Variants in RGS12 observed in about 807,000 individuals in gnomAD.
RGS12 encodes the protein regulator of G-protein signaling 12.
RGS12 carries 66 observed loss-of-function variants against 120.1 expected under a neutral mutation model. That is an observed-to-expected ratio of 0.55 (90% confidence interval 0.45 to 0.67). RGS12 has a LOEUF of 0.67. RGS12 is among the 30% of genes least tolerant of loss of function. The pLI is 0.00. For missense variants in RGS12, 1,859 were observed against 1,957.7 expected (o/e 0.95, Z 0.95); for synonymous variants, 827 against 804.7 (o/e 1.03, Z -0.47).
At chr4:3,431,903 C>A in intron 17 of RGS12, 1 of 985,478 alleles carries the variant, frequency 1.0e-6, no homozygotes, top group Non-Finnish European at 1.2e-6. Flanking sequence ...TGGACCTCGC[C>A]GGGGGACCAG....
chr4:3,370,708 A>G (rs1345742268), intron 3 of RGS12, among the ~76,000 whole-genome samples: 2 of 152,246 alleles, frequency 1.3e-5, no homozygotes, highest in Non-Finnish European at 2.9e-5. Context: ...AAATACATTA[A>G]AATCTTAGGC....
At chr4:3,379,065 T>A (rs559619739) in intron 3 of RGS12, among the ~76,000 whole-genome samples, 1 of 151,434 alleles carries the variant, frequency 6.6e-6, no homozygotes, top group East Asian at 1.9e-4. Context: ...AGAATGAGAA[T>A]AGCATATTCT....
chr4:3,301,311 C>T (rs1318372080), intron 1 of RGS12, among the ~76,000 whole-genome samples: 1 of 152,182 alleles, frequency 6.6e-6, no homozygotes, highest in Non-Finnish European at 1.5e-5. Flanking sequence ...TGAACATTGG[C>T]AATGATTTTG....
chr4:3,370,171 C>A (rs757152952), intron 3 of RGS12: 6 of 1,570,028 alleles, frequency 3.8e-6, no homozygotes, highest in Non-Finnish European at 5.2e-6. Flanking sequence ...GAGGGAACTT[C>A]ATCGGAAATG....
Position 3,316,594 on chromosome 4 carries a change from C to T in RGS12, c.424C>T (p.Gln142Ter), listed in dbSNP as rs768621886. The T allele has an allele frequency of 2.5e-6, 4 of 1,614,142 alleles. No homozygotes were observed. The highest frequency in any genetic ancestry group is 3.4e-6 in the Non-Finnish European group (4 of 1,180,016). ...NRAERVVEEM[Q>*]SGGIFNMIFE... ...AGCAGAGCGAGTCGTGGAGGAAATG[C>T]AGTCTGGTGGAATTTTCAATATGAT... is the stretch of plus-strand genomic sequence containing the variant. Residue 142 changes from glutamine to a stop codon, truncating the protein, a stop_gained, in exon 2 of 18, where the codon CAG becomes TAG. Transcript: ENST00000336727. LOFTEE classifies it high-confidence loss of function.
intron 3 of RGS12, among the ~76,000 whole-genome samples, chr4:3,376,247 A>AACAC (rs55666879): frequency 0.13 from 18,972 of 143,208 alleles, 1,291 homozygotes; most frequent in Non-Finnish European, 0.15. Context: ...AGCTCCTTGG[A>AACAC]ACACACACAC....
chr4:3,344,384 G>T (rs1713590585), intron 3 of RGS12, among the ~76,000 whole-genome samples: 1 of 152,140 alleles, frequency 6.6e-6, no homozygotes, highest in South Asian at 2.1e-4. Flanking sequence ...CCTAAGGCAG[G>T]GCCTAGCTTG....
rs541854818 is a variant in RGS12, at chr4:3,429,994, C to T, written c.3566-413C>T. Among the ~76,000 whole-genome samples, 103 of 152,300 alleles carry T rather than the reference C, an allele frequency of 6.8e-4. 1 individual carries two copies. Among genetic ancestry groups the T allele is most frequent in the East Asian group, 2.1e-3 (11 of 5,186 alleles). ...ACTGCAGCTGCAGCTGGGACCCGGG[C>T]GGGTGCTTCAGATGCTGACCAACCG... On this transcript the variant is annotated intron_variant, in intron 16 of 17. Coordinates refer to ENST00000336727, the MANE Select transcript of RGS12 (RefSeq NM_001394154.1).
intron 11 of RGS12, 45 bp downstream of exon 11, chr4:3,422,615 T>G: frequency 6.4e-7 from 1 of 1,567,612 alleles, no homozygotes; most frequent in Non-Finnish European, 8.7e-7. Flanking sequence ...GGCCATGACC[T>G]CCCCGCTCCC....
Position 3,342,619 on chromosome 4 carries a change from A to G in RGS12, c.1882-318A>G. The G allele has an allele frequency of 3.0e-6, 4 of 1,314,670 alleles. 1 individual carries two copies. In the Middle Eastern group the frequency reaches 8.0e-4, roughly 264 times the overall value. 81.4% of individuals were successfully genotyped at this position (1,314,670 alleles called of 1,614,324 possible). ...TCCAAGCACCCTTGCACGTGATTTC[A>G]TTTGATCTGGGTAACAGCCTTGTGG... On this transcript the variant is annotated intron_variant, in intron 2 of 17. Transcript: ENST00000336727.
intron 3 of RGS12, among the ~76,000 whole-genome samples, chr4:3,367,724 A>G (rs1448815104): frequency 1.3e-5 from 2 of 152,136 alleles, no homozygotes; most frequent in African/African-American, 4.8e-5. Context: ...TTCCTCACCC[A>G]TCTGCAGAGG....
intron 1 of RGS12, among the ~76,000 whole-genome samples, chr4:3,297,391 A>G (rs1468628410): frequency 6.6e-6 from 1 of 152,196 alleles, no homozygotes; most frequent in Non-Finnish European, 1.5e-5. Context: ...TCAGGCATTT[A>G]CTGCTGTTGA....
At chr4:3,336,207 G>A (rs1364053461) in intron 2 of RGS12, among the ~76,000 whole-genome samples, 1 of 152,254 alleles carries the variant, frequency 6.6e-6, no homozygotes, top group African/African-American at 2.4e-5. Context: ...GAGCTGCCAA[G>A]TTGGAGTAAT....
rs1197039584 is a variant in RGS12 at position 3,423,427 on chromosome 4, T to TG, written c.3108-84dup. 6.4e-6 allele frequency: 10 copies of TG among 1,556,014 alleles called. No individual in the cohort carries two copies. The Admixed American group carries it at 1.7e-4, about 26-fold the overall frequency. On this transcript the variant is annotated intron_variant, in intron 12 of 17. Coordinates refer to ENST00000336727, the MANE Select transcript of RGS12 (RefSeq NM_001394154.1). The stretch of plus-strand genomic sequence containing the variant: ...GCACACCGAGGCCTTGAGGGCGGCC[T>TG]GGGGCTGTGCTGTAGTTCTGCTCGT...
At chr4:3,348,646 T>C (rs959698238) in intron 3 of RGS12, among the ~76,000 whole-genome samples, 4 of 151,928 alleles carry the variant, frequency 2.6e-5, no homozygotes, top group African/African-American at 9.7e-5. Context: ...TTCAGACACA[T>C]CCAGAAAAGC....
intron 3 of RGS12, among the ~76,000 whole-genome samples, chr4:3,363,488 T>A (rs1012469421): frequency 6.6e-6 from 1 of 151,262 alleles, no homozygotes; most frequent in African/African-American, 2.5e-5. Context: ...CCGCGGGGCC[T>A]GAACTGCTGC....
chr4:3,354,160 C>G (rs939028969), intron 3 of RGS12, among the ~76,000 whole-genome samples: 3 of 152,074 alleles, frequency 2.0e-5, no homozygotes, highest in Non-Finnish European at 4.4e-5. Context: ...TAAGCAATAC[C>G]CTTGCTGGCT....
intron 4 of RGS12, chr4:3,413,477 A>G (rs1721979902): frequency 6.6e-6 from 1 of 152,534 alleles, no homozygotes. Context: ...AGGAGCCCAC[A>G]TGCAGAGCAG....
At chr4:3,321,021 C>T (rs966280992) in intron 2 of RGS12, among the ~76,000 whole-genome samples, 2 of 152,222 alleles carry the variant, frequency 1.3e-5, no homozygotes, top group East Asian at 3.9e-4. Flanking sequence ...CACGTGACTC[C>T]GGATTCTTAG....
Sources: allele counts gnomAD v4.1 joint callset (sites outside exome capture counted in the v4.1 genomes callset), GRCh38; gene constraint gnomAD v4.1.1; transcripts MANE v1.5; gene names NCBI Gene and HGNC (gene_info 2026-07-23, HGNC 2026-07-21).